The following TERF2 variants were observed in gnomAD, a reference collection of about 807,000 sequenced individuals.
The protein encoded by TERF2 is telomeric repeat binding factor 2, also known as telomeric repeat-binding factor 2.
A neutral mutation model predicts 56.1 loss-of-function variants in TERF2; 16 were observed. That is an observed-to-expected ratio of 0.29 (90% CI 0.19 to 0.43). The LOEUF is 0.43. TERF2 is among the 20% of genes least tolerant of loss of function. TERF2 has a pLI of 1.00. For missense variants in TERF2, 547 were observed against 712.9 expected (o/e 0.77, Z 2.65); for synonymous variants, 296 against 282.1 (o/e 1.05, Z -0.50).
intron 2 of TERF2, 49 bp downstream of exon 2, chr16:69,385,342 C>T (rs747509849): frequency 6.6e-7 from 1 of 1,524,984 alleles, no homozygotes. Flanking sequence ...AGTTTTAAAA[C>T]AAAACCCTAC....
At chr16:69,357,221 G>A (rs2012938164) in intron 9 of TERF2, among the ~76,000 whole-genome samples, 165 bp from the exon 10 acceptor site, 1 of 152,192 alleles carries the variant, frequency 6.6e-6, no homozygotes, top group African/African-American at 2.4e-5. Flanking sequence ...TGAGCACTGT[G>A]GATCTGGACA....
chr16:69,370,384 T>C, intron 5 of TERF2, 99 bp downstream of exon 5: 2 of 1,478,190 alleles, frequency 1.4e-6, no homozygotes, highest in Non-Finnish European at 1.8e-6. Flanking sequence ...TACAATTCAA[T>C]GTCTTTTTCA....
rs370047483 is a variant in TERF2 at position 69,385,567 on chromosome 16, C to A, written c.379+26G>T. The A allele has an allele frequency of 9.3e-6, 14 of 1,500,724 alleles. No individual in the cohort carries two copies. The East Asian group carries it at 2.0e-4, about 22-fold the overall frequency. 93.0% of individuals were successfully genotyped at this position (1,500,724 alleles called of 1,614,324 possible). On this transcript the variant is annotated intron_variant, in intron 1 of 9. Transcript: ENST00000254942. ...CGGACCCCCTTCCCCGGCGCTCCAA[C>A]CCCCCTCCCCCGGCCCGGCCCTCAC...
At position 69,366,841 on chromosome 16, in the gene TERF2, G is replaced by C; in HGVS notation, c.1306C>G (p.Leu436Val). 6.2e-7 allele frequency: 1 copy of C among 1,613,940 alleles called. No individual in the cohort carries two copies. Among genetic ancestry groups the C allele is most frequent in the African/African-American group, 1.3e-5 (1 of 75,064 alleles). The part of the protein sequence containing the change: ...ASAPPSKPTV[L>V]NQPLPGEKNP... The stretch of plus-strand genomic sequence containing the variant: ...TTCTCTCCAGGGAGGGGTTGGTTGA[G>C]AACGGTGGGCTTGGATGGTGGCGCT... The change falls in exon 7 of 10, where the codon CTC (leucine) becomes GTC (valine). Residue 436 changes from leucine to valine, a missense_variant. By Grantham distance (32) the Leu-to-Val change is conservative (BLOSUM62 1). Coordinates refer to ENST00000254942, the MANE Select transcript of TERF2 (RefSeq NM_005652.5).
intron 3 of TERF2, among the ~76,000 whole-genome samples, chr16:69,376,319 G>A (rs1045467277): frequency 1.3e-5 from 2 of 152,076 alleles, no homozygotes; most frequent in African/African-American, 4.8e-5. Context: ...TTTTCCCATT[G>A]AATAGCCTTC....
intron 2 of TERF2, 120 bp downstream of exon 2, chr16:69,385,271 A>G (rs2014150919): frequency 4.7e-6 from 4 of 852,630 alleles, no homozygotes; most frequent in African/African-American, 3.4e-5. Flanking sequence ...CGTAGAATGA[A>G]AAAGACCACT....
At chr16:69,362,620 G>A (rs1731225532) in intron 7 of TERF2, among the ~76,000 whole-genome samples, 1 of 152,018 alleles carries the variant, frequency 6.6e-6, no homozygotes, top group Admixed American at 6.6e-5. Flanking sequence ...TAAATGCTTG[G>A]GTGTGGCTAA....
Position 69,385,416 on chromosome 16 carries a change from C to T in TERF2, c.450G>A (p.Ser150=). 1 of 1,614,132 alleles carries T rather than the reference C, an allele frequency of 6.2e-7. No homozygotes were observed. The highest frequency in any genetic ancestry group is 8.5e-7 in the Non-Finnish European group (1 of 1,180,018). The change falls in exon 2 of 10, where the codon TCG becomes TCA. Residue 150 remains serine (S), a synonymous_variant. Coordinates refer to ENST00000254942, the MANE Select transcript of TERF2 (RefSeq NM_005652.5). Reference sequence around the variant, plus strand: ...CTAAATTTTCCCCTTCTTCAATCCGCGACAGACACTGCATAACCCGCAGCA... The same window carrying T: ...CTAAATTTTCCCCTTCTTCAATCCGTGACAGACACTGCATAACCCGCAGCA... ...SRLLRVMQCL[S]RIEEGENLDC...
Position 69,376,600 on chromosome 16 carries a change from C to A in TERF2, c.607-4245G>T, listed in dbSNP as rs1184410765. On this transcript the variant is annotated intron_variant, in intron 3 of 9. Transcript: ENST00000254942. ...GTGGCTCAAATCTGCAATCTCAGCA[C>A]TTTGGAAGGTTGAGGTGGGAGCGTC... Among the ~76,000 whole-genome samples the A allele has an allele frequency of 6.0e-5, 9 of 150,744 alleles. No individual in the cohort carries two copies. The Admixed American group carries it at 6.0e-4, about 10-fold the overall frequency.
Position 69,385,713 on chromosome 16 carries a change from C to G in TERF2, c.259G>C (p.Glu87Gln). ...TTGACTGCCTCTTCCAGCCGTGCCT[C>G]CCCCGCGCCGCGCTCCGCCGGGCCC... ...LGGPAERGAG[E>Q]ARLEEAVNRW... The change falls in exon 1 of 10, where the codon GAG (glutamate) becomes CAG (glutamine). Residue 87 changes from glutamate to glutamine, a missense_variant. Glu to Gln is a conservative substitution (Grantham distance 29). Coordinates refer to ENST00000254942, the MANE Select transcript of TERF2 (RefSeq NM_005652.5). The G allele has an allele frequency of 6.3e-7, 1 of 1,589,276 alleles. No individual in the cohort carries two copies. Among genetic ancestry groups the G allele is most frequent in the East Asian group, 2.4e-5 (1 of 42,066 alleles).
Position 69,385,747 on chromosome 16 carries a change from C to G in TERF2, c.225G>C (p.Pro75=). 1 of 1,429,624 alleles carries G rather than the reference C, an allele frequency of 7.0e-7. No homozygotes were observed. Among genetic ancestry groups the G allele is most frequent in the South Asian group, 1.4e-5 (1 of 69,276 alleles). 88.6% of individuals were successfully genotyped at this position (1,429,624 alleles called of 1,614,324 possible). A position where few individuals can be genotyped will look rare whatever the true frequency, so the allele number is the denominator to read the frequency against. ...SGRARRGRHE[P]GLGGPAERGA... ...CGCGCTCCGCCGGGCCCCCCAGCCCCGGCTCGTGGCGCCCCCGCCGGGCCC... is the reference window on the plus strand; with the variant it reads ...CGCGCTCCGCCGGGCCCCCCAGCCCGGGCTCGTGGCGCCCCCGCCGGGCCC... Residue 75 remains proline (P), a synonymous_variant, in exon 1 of 10, where the codon CCG becomes CCC. Coordinates refer to ENST00000254942, the MANE Select transcript of TERF2 (RefSeq NM_005652.5).
chr16:69,378,708 T>TC (rs2013884579), intron 3 of TERF2, among the ~76,000 whole-genome samples: 1 of 152,178 alleles, frequency 6.6e-6, no homozygotes, highest in Admixed American at 6.5e-5. Context: ...TATGCCTATT[T>TC]CCAGATAGAA....
At chr16:69,373,984 T>C (rs2013673358) in intron 3 of TERF2, among the ~76,000 whole-genome samples, 1 of 152,210 alleles carries the variant, frequency 6.6e-6, no homozygotes, top group Non-Finnish European at 1.5e-5. Context: ...AGCACAGCCA[T>C]ACAGGGCGGA....
intron 3 of TERF2, among the ~76,000 whole-genome samples, chr16:69,373,155 G>C (rs888702717): frequency 6.6e-6 from 1 of 152,136 alleles, no homozygotes; most frequent in Non-Finnish European, 1.5e-5. Flanking sequence ...GGAGAATGAA[G>C]GGACAACCCC....
rs538486565 is a variant in TERF2, at chr16:69,373,201, A to T, written c.607-846T>A. 5.9e-5 allele frequency among the ~76,000 whole-genome samples: 9 copies of T among 152,260 alleles called. No homozygotes were observed. The South Asian group carries it at 1.9e-3, about 32-fold the overall frequency. On this transcript the variant is annotated intron_variant, in intron 3 of 9. Transcript: ENST00000254942. ...AAACCCCAGCTGGCAACTTCAATTA[A>T]AGCACCTAGGGAACTACTGAAGCCA...
chr16:69,384,568 AT>A lies in TERF2; in HGVS notation c.606+11del, dbSNP rs2014119639. Reference sequence around the variant, plus strand: ...TTGGTCAAAGAAAAAAGATATAAAAATAGAGCCTTACAGCTTCCTTGACCAG... The same window carrying A: ...TTGGTCAAAGAAAAAAGATATAAAAAAGAGCCTTACAGCTTCCTTGACCAG... On this transcript the variant is annotated intron_variant, in intron 3 of 9. Transcript: ENST00000254942. 5 of 1,610,312 alleles carry A rather than the reference AT, an allele frequency of 3.1e-6. No homozygotes were observed. The highest frequency in any genetic ancestry group is 4.2e-6 in the Non-Finnish European group (5 of 1,179,164).
rs558477597 is a variant in TERF2, at chr16:69,377,971, C to T, written c.607-5616G>A. ...GCCTTATTGCACTGGTTAGGTCTTCCGGTATGATGTTGAATACAAGTGGTG... is the reference window on the plus strand; with the variant it reads ...GCCTTATTGCACTGGTTAGGTCTTCTGGTATGATGTTGAATACAAGTGGTG... On this transcript the variant is annotated intron_variant, in intron 3 of 9. Transcript: ENST00000254942. Among the ~76,000 whole-genome samples the T allele has an allele frequency of 3.3e-5, 5 of 152,202 alleles. No homozygotes were observed. The South Asian group carries it at 8.3e-4, about 25-fold the overall frequency.
At chr16:69,379,829 T>C (rs1421882987) in intron 3 of TERF2, among the ~76,000 whole-genome samples, 2 of 152,226 alleles carry the variant, frequency 1.3e-5, no homozygotes, top group Non-Finnish European at 2.9e-5. Flanking sequence ...TGAAAATCTC[T>C]TTAATATCTG....
intron 5 of TERF2, among the ~76,000 whole-genome samples, chr16:69,369,794 C>G (rs544540134): frequency 2.8e-4 from 42 of 152,294 alleles, no homozygotes; most frequent in African/African-American, 9.1e-4. Flanking sequence ...TTCAGTGACA[C>G]CTTTCTCCAC....
Sources: gnomAD v4.1 joint callset for allele counts (sites outside exome capture counted in the v4.1 genomes callset) on GRCh38, gnomAD v4.1.1 for gene constraint, MANE v1.5 for transcripts, NCBI Gene and HGNC (gene_info 2026-07-23, HGNC 2026-07-21) for gene names.